ZNF365: variants seen among roughly 807,000 people sequenced by gnomAD.
ZNF365 encodes the protein protein ZNF365.
In ZNF365, 22 loss-of-function variants were observed where a neutral mutation model predicts 35.0. The ratio of observed to expected loss-of-function variants is 0.63; its 90% CI spans 0.45 to 0.90. The LOEUF (loss-of-function observed/expected upper bound fraction) is 0.90. ZNF365 is among the 40% of genes least tolerant of loss of function. ZNF365 has a pLI of 0.00. For synonymous variants in ZNF365, 188 were observed against 196.2 expected, an observed-to-expected ratio of 0.96 and a Z score of 0.35; for missense variants, 448 against 500.3, an observed-to-expected ratio of 0.90 and a Z score of 1.00.
At chr10:62,469,722 G>A (rs993515315) in intron 4 of ZNF365, among the ~76,000 whole-genome samples, 6 of 152,036 alleles carry the variant, frequency 3.9e-5, no homozygotes, top group African/African-American at 1.4e-4. Context: ...CTGTGTGCCA[G>A]GAACTAGGCT....
intron 3 of ZNF365, among the ~76,000 whole-genome samples, chr10:62,420,204 T>C (rs897535514): frequency 1.3e-5 from 2 of 152,224 alleles, no homozygotes; most frequent in African/African-American, 4.8e-5. Context: ...TGTATTGACA[T>C]TGTCTTATTT....
intron 3 of ZNF365, among the ~76,000 whole-genome samples, chr10:62,442,952 G>T (rs936816814): frequency 1.3e-5 from 2 of 152,124 alleles, no homozygotes; most frequent in African/African-American, 4.8e-5. Flanking sequence ...CTTTAGAATT[G>T]ATCAACCCCA....
At chr10:62,465,361 C>T (rs1209915027) in intron 4 of ZNF365, among the ~76,000 whole-genome samples, 8 of 152,110 alleles carry the variant, frequency 5.3e-5, no homozygotes, top group Admixed American at 5.2e-4. Context: ...TTGATGTGGA[C>T]AGCCTGGGCG....
At chr10:62,447,050 G>A (rs1202871714) in intron 3 of ZNF365, among the ~76,000 whole-genome samples, 1 of 152,160 alleles carries the variant, frequency 6.6e-6, no homozygotes, top group Admixed American at 6.6e-5. Context: ...TTTGAATTTT[G>A]TAGGCAAGGG....
At chr10:62,469,395 G>A (rs1439945046) in intron 4 of ZNF365, among the ~76,000 whole-genome samples, 3 of 152,082 alleles carry the variant, frequency 2.0e-5, no homozygotes, top group African/African-American at 7.2e-5. Flanking sequence ...AAAAAAATCT[G>A]TAAAGGGCAC....
intron 4 of ZNF365, among the ~76,000 whole-genome samples, chr10:62,463,083 A>T (rs1291956731): frequency 1.3e-5 from 2 of 152,240 alleles, no homozygotes; most frequent in Non-Finnish European, 2.9e-5. Flanking sequence ...TGAGGGTTAA[A>T]AAACAAACAT....
rs1024296305 is a variant in ZNF365 at position 62,401,808 on chromosome 10, G to A, written c.*2019G>A. On this transcript the variant is annotated 3_prime_UTR_variant, in exon 5 of 5. Transcript: ENST00000395254. ...GATTTTCATCTAACATAGAGGGCAT[G>A]GCAACTCTCTTTGACAGTGGTACCC... 1 of 985,408 alleles carries A rather than the reference G, an allele frequency of 1.0e-6. No individual in the cohort carries two copies. Among genetic ancestry groups the A allele is most frequent in the African/African-American group, 1.7e-5 (1 of 57,314 alleles). 61.0% of individuals were successfully genotyped at this position (985,408 alleles called of 1,614,324 possible).
intron 3 of ZNF365, among the ~76,000 whole-genome samples, chr10:62,436,322 T>C (rs1277421445): frequency 3.3e-5 from 5 of 152,040 alleles, no homozygotes; most frequent in Non-Finnish European, 5.9e-5. Flanking sequence ...GGTACTAAAG[T>C]AACTAGAACC....
At chr10:62,404,741 C>A, downstream of ZNF365, among the ~76,000 whole-genome samples, 1 of 152,204 alleles carries the variant, frequency 6.6e-6, no homozygotes, top group East Asian at 1.9e-4. Context: ...TGGGTTCTTC[C>A]AAAAATACTT....
At chr10:62,454,643 T>TC (rs1402319067) in intron 3 of ZNF365, among the ~76,000 whole-genome samples, 18 of 151,152 alleles carry the variant, frequency 1.2e-4, no homozygotes, top group Non-Finnish European at 1.5e-4. Context: ...TTTTTTTTCT[T>TC]TGCTTCTGAT....
chr10:62,460,483 A>C (rs1445255538), intron 4 of ZNF365, among the ~76,000 whole-genome samples: 1 of 152,236 alleles, frequency 6.6e-6, no homozygotes, highest in East Asian at 1.9e-4. Flanking sequence ...TAGTGTAATA[A>C]AAGTTATGTC....
chr10:62,460,505 T>G (rs1177227266), intron 4 of ZNF365, among the ~76,000 whole-genome samples: 3 of 152,220 alleles, frequency 2.0e-5, no homozygotes, highest in Non-Finnish European at 4.4e-5. Context: ...GCGTGGTCTC[T>G]CTCTCTCTCT....
At chr10:62,382,894 G>A (rs2132412437) in intron 2 of ZNF365, among the ~76,000 whole-genome samples, 1 of 152,296 alleles carries the variant, frequency 6.6e-6, no homozygotes, top group East Asian at 1.9e-4. Flanking sequence ...CTCTGAAGAG[G>A]TTCATAAATC....
intron 3 of ZNF365, among the ~76,000 whole-genome samples, chr10:62,427,340 C>T (rs1840265732): frequency 6.6e-6 from 1 of 152,142 alleles, no homozygotes; most frequent in Admixed American, 6.5e-5. Flanking sequence ...GTTACAACCA[C>T]CTACGGTATC....
chr10:62,415,819 T>C (rs148538223), intron 3 of ZNF365, among the ~76,000 whole-genome samples: 28 of 152,258 alleles, frequency 1.8e-4, no homozygotes, highest in African/African-American at 6.7e-4. Flanking sequence ...AGTCTTAAAT[T>C]GCCAATTTGT....
At chr10:62,457,791 G>C (rs1349686811) in intron 3 of ZNF365, among the ~76,000 whole-genome samples, 1 of 152,186 alleles carries the variant, frequency 6.6e-6, no homozygotes, top group African/African-American at 2.4e-5. Flanking sequence ...CACTGAGTAG[G>C]TGTGTCTCCT....
At chr10:62,434,151 G>C (rs1409238617) in intron 3 of ZNF365, among the ~76,000 whole-genome samples, 1 of 152,180 alleles carries the variant, frequency 6.6e-6, no homozygotes, top group Non-Finnish European at 1.5e-5. Flanking sequence ...CCTGAGAATT[G>C]ATATTTTAAC....
chr10:62,385,359 A>G (rs960675761), intron 2 of ZNF365, among the ~76,000 whole-genome samples: 6 of 152,240 alleles, frequency 3.9e-5, no homozygotes, highest in African/African-American at 1.2e-4. Context: ...GCGTATTAAA[A>G]TTAATATTAA....
intron 4 of ZNF365, 23 bp from the exon 5 acceptor site, chr10:62,399,505 C>A: frequency 6.2e-7 from 1 of 1,609,302 alleles, no homozygotes; most frequent in South Asian, 1.1e-5. Flanking sequence ...CTCTTCTCCA[C>A]TCCCCCCTCC....
Sources: gnomAD v4.1 joint callset for allele counts (sites outside exome capture counted in the v4.1 genomes callset) on GRCh38, gnomAD v4.1.1 for gene constraint, MANE v1.5 for transcripts, NCBI Gene and HGNC (gene_info 2026-07-23, HGNC 2026-07-21) for gene names.